MAPKAP1: variants seen among roughly 807,000 people sequenced by gnomAD.
MAPKAP1 encodes the protein target of rapamycin complex 2 subunit MAPKAP1.
MAPKAP1 carries 20 observed loss-of-function variants against 65.7 expected under a neutral mutation model. The ratio of observed to expected loss-of-function variants is 0.30; its 90% CI spans 0.21 to 0.44. MAPKAP1 has a LOEUF of 0.44. MAPKAP1 is among the 20% of genes least tolerant of loss of function. The probability of loss-of-function intolerance (pLI) is 1.00; values close to 1 mark genes in which losing one functional copy is unlikely to be tolerated. For synonymous variants in MAPKAP1, 222 were observed against 244.3 expected, an observed-to-expected ratio of 0.91 and a Z score of 0.85; for missense variants, 423 against 648.0, an observed-to-expected ratio of 0.65 and a Z score of 3.77.
At chr9:125,566,827 A>G (rs1442887081) in intron 5 of MAPKAP1, among the ~76,000 whole-genome samples, 3 of 152,146 alleles carry the variant, frequency 2.0e-5, no homozygotes, top group East Asian at 1.9e-4. Context: ...TCCTAAATTC[A>G]TATTTCCAGC....
chr9:125,578,998 TC>T (rs1178759818), intron 5 of MAPKAP1, among the ~76,000 whole-genome samples: 1 of 152,180 alleles, frequency 6.6e-6, no homozygotes, highest in African/African-American at 2.4e-5. Flanking sequence ...GGCAAAAATT[TC>T]ATAGTCCACA....
chr9:125,523,143 C>T (rs1829667721), intron 7 of MAPKAP1, among the ~76,000 whole-genome samples: 1 of 152,142 alleles, frequency 6.6e-6, no homozygotes, highest in Non-Finnish European at 1.5e-5. Context: ...AAACTCTAGC[C>T]TTGGCCTTTA....
chr9:125,693,524 TAC>T (rs1220069442), intron 1 of MAPKAP1, among the ~76,000 whole-genome samples: 1 of 113,976 alleles, frequency 8.8e-6, no homozygotes, highest in African/African-American at 4.4e-5. Flanking sequence ...CACACATATA[TAC>T]ACATATACAC....
chr9:125,619,221 A>G (rs1416055827), intron 4 of MAPKAP1, among the ~76,000 whole-genome samples: 3 of 152,194 alleles, frequency 2.0e-5, no homozygotes, highest in Non-Finnish European at 4.4e-5. Context: ...ACATCTTGCA[A>G]TTTAAAGAGG....
chr9:125,515,762 G>A (rs992076105), intron 7 of MAPKAP1, among the ~76,000 whole-genome samples: 2 of 152,198 alleles, frequency 1.3e-5, no homozygotes, highest in African/African-American at 4.8e-5. Context: ...ACTGGTCAAG[G>A]GGCCAGTCGG....
chr9:125,590,673 G>C (rs1194176448), intron 4 of MAPKAP1, among the ~76,000 whole-genome samples: 1 of 152,012 alleles, frequency 6.6e-6, no homozygotes, highest in South Asian at 2.1e-4. Context: ...GGGGGGCGGG[G>C]CATAGGGCTA....
intron 1 of MAPKAP1, among the ~76,000 whole-genome samples, chr9:125,675,418 A>C (rs1204817783): frequency 6.6e-6 from 1 of 152,228 alleles, no homozygotes; most frequent in East Asian, 1.9e-4. Context: ...TCTGAAGATA[A>C]GAGGAATGGG....
intron 4 of MAPKAP1, among the ~76,000 whole-genome samples, chr9:125,627,735 C>G (rs1833155619): frequency 6.6e-6 from 1 of 152,166 alleles, no homozygotes; most frequent in Non-Finnish European, 1.5e-5. Flanking sequence ...CCCATCTCAC[C>G]CTCCAAAAAG....
chr9:125,662,806 A>G lies in MAPKAP1; in HGVS notation c.350-5007T>C, dbSNP rs1003665474. Among the ~76,000 whole-genome samples, 4 of 152,110 alleles carry G rather than the reference A, an allele frequency of 2.6e-5. No individual in the cohort carries two copies. In the South Asian group the frequency reaches 8.3e-4, roughly 31 times the overall value. On this transcript the variant is annotated intron_variant, in intron 3 of 11. Transcript: ENST00000265960. ...TAAATAATTTTAAATGATATAGAGA[A>G]TATTAAAATAATATTAATTTTTTGA...
At chr9:125,553,235 G>A (rs1461963452) in intron 6 of MAPKAP1, among the ~76,000 whole-genome samples, 1 of 152,104 alleles carries the variant, frequency 6.6e-6, no homozygotes, top group Non-Finnish European at 1.5e-5. Flanking sequence ...AGACAAATGT[G>A]AACAAGAAAT....
At chr9:125,674,745 C>T (rs1484856044) in intron 1 of MAPKAP1, among the ~76,000 whole-genome samples, 1 of 152,164 alleles carries the variant, frequency 6.6e-6, no homozygotes, top group Non-Finnish European at 1.5e-5. Context: ...TTACATTAAT[C>T]TTCACTTTTT....
Position 125,438,782 on chromosome 9 carries a change from G to A in MAPKAP1, c.*105C>T. 1 of 1,491,378 alleles carries A rather than the reference G, an allele frequency of 6.7e-7. No homozygotes were observed. The allele number at this position is 1,491,378 out of a possible 1,614,324, so 92.4% of individuals were successfully genotyped here. ...CCTGCCCTGTGCCAGTGAGCCAGGG[G>A]CTGGCCTCCCCCCGAGGACTTCAGG... On this transcript the variant is annotated 3_prime_UTR_variant, in exon 12 of 12. Transcript: ENST00000265960.
chr9:125,439,052 G>A lies in MAPKAP1; in HGVS notation c.1444-40C>T, dbSNP rs533013236. 2.5e-5 allele frequency: 40 copies of A among 1,605,726 alleles called. No homozygotes were observed. Among genetic ancestry groups the A allele is most frequent in the African/African-American group, 9.3e-5 (7 of 74,878 alleles). ...ACACAGCCCGGTCACCTTGCCAGCC[G>A]CTCCCTACCCACCCAGGGCATCGGA... On this transcript the variant is annotated intron_variant, in intron 11 of 11. Transcript: ENST00000265960. This position sits in a 1 kb window ranked among gnomAD's most constrained non-coding sequence, Gnocchi z 4.0.
intron 8 of MAPKAP1, among the ~76,000 whole-genome samples, chr9:125,504,289 T>C (rs1018012406): frequency 6.6e-6 from 1 of 152,228 alleles, no homozygotes; most frequent in Non-Finnish European, 1.5e-5. Flanking sequence ...ATTTGATTTT[T>C]TGGACCATTT....
At chr9:125,641,284 A>T (rs1261183211) in intron 4 of MAPKAP1, among the ~76,000 whole-genome samples, 1 of 152,238 alleles carries the variant, frequency 6.6e-6, no homozygotes, top group African/African-American at 2.4e-5. Flanking sequence ...ATTAATAAAA[A>T]TATCAAACAA....
chr9:125,529,953 C>T (rs986223081), intron 7 of MAPKAP1, among the ~76,000 whole-genome samples: 5 of 152,146 alleles, frequency 3.3e-5, no homozygotes, highest in Non-Finnish European at 5.9e-5. Context: ...TGCAGATATG[C>T]GGCAGAAAGT....
intron 6 of MAPKAP1, among the ~76,000 whole-genome samples, chr9:125,557,401 A>G (rs1369812111): frequency 6.6e-6 from 1 of 152,224 alleles, no homozygotes; most frequent in Non-Finnish European, 1.5e-5. Context: ...GCCACTGTGT[A>G]TATCTTTTAG....
At chr9:125,513,579 T>C (rs963326286) in intron 7 of MAPKAP1, among the ~76,000 whole-genome samples, 4 of 152,172 alleles carry the variant, frequency 2.6e-5, no homozygotes, top group Non-Finnish European at 5.9e-5. Flanking sequence ...ATCTGTAAAA[T>C]AGGGATAACA....
At chr9:125,580,682 TAAAAAA>T (rs200466671) in intron 5 of MAPKAP1, among the ~76,000 whole-genome samples, 12 of 148,116 alleles carry the variant, frequency 8.1e-5, no homozygotes, top group Non-Finnish European at 3.0e-5. Flanking sequence ...CTTAAAAGTA[TAAAAAA>T]AAAAAAGACT....
Sources: allele counts gnomAD v4.1 joint callset (sites outside exome capture counted in the v4.1 genomes callset), GRCh38; gene constraint gnomAD v4.1.1; non-coding constraint Gnocchi (gnomAD v3.1); transcripts MANE v1.5; gene names NCBI Gene and HGNC (gene_info 2026-07-23, HGNC 2026-07-21).